Variants in SLC2A9 observed in about 807,000 individuals in gnomAD.
The protein encoded by SLC2A9 is solute carrier family 2, facilitated glucose transporter member 9.
In SLC2A9, 39 loss-of-function variants were observed where a neutral mutation model predicts 50.6. The ratio of observed to expected loss-of-function variants is 0.77; its 90% CI spans 0.60 to 1.01. The LOEUF (loss-of-function observed/expected upper bound fraction) is 1.01. SLC2A9 is among the 50% of genes least tolerant of loss of function. SLC2A9 has a pLI of 0.00. For synonymous variants in SLC2A9, 324 were observed against 276.9 expected, an observed-to-expected ratio of 1.17 and a Z score of -1.69; for missense variants, 686 against 677.6, an observed-to-expected ratio of 1.01 and a Z score of -0.14.
At chr4:9,953,530 T>C (rs1750679758) in intron 5 of SLC2A9, among the ~76,000 whole-genome samples, 1 of 152,206 alleles carries the variant, frequency 6.6e-6, no homozygotes. Flanking sequence ...ATCAATAAAA[T>C]AGAGATAATA....
intron 7 of SLC2A9, among the ~76,000 whole-genome samples, chr4:9,909,806 C>A (rs769086708): frequency 6.6e-6 from 1 of 152,208 alleles, no homozygotes; most frequent in Non-Finnish European, 1.5e-5. Context: ...GGGGACACCC[C>A]CTGCATTAAA....
At chr4:9,827,868 A>G (rs940267084) in intron 11 of SLC2A9, among the ~76,000 whole-genome samples, 8 of 152,228 alleles carry the variant, frequency 5.3e-5, no homozygotes, top group African/African-American at 1.7e-4. Context: ...CATTACTCAC[A>G]TGTTGTTCTA....
At position 9,898,084 on chromosome 4, in the gene SLC2A9, T is replaced by C. The variant is rs531161564; in HGVS notation, c.1114-7373A>G. On this transcript the variant is annotated intron_variant, in intron 8 of 11. Transcript: ENST00000264784. ...CAGGAGAAGTGAGCACTGCTGATGC[T>C]TTGCTCTCAGGCTTCTGGCCTTGAG... Among the ~76,000 whole-genome samples the C allele has an allele frequency of 2.1e-4, 32 of 152,292 alleles. No individual in the cohort carries two copies. In the South Asian group the frequency reaches 6.0e-3, roughly 29 times the overall value.
At chr4:9,857,525 T>C (rs1024664598) in intron 10 of SLC2A9, among the ~76,000 whole-genome samples, 59 of 152,326 alleles carry the variant, frequency 3.9e-4, no homozygotes, top group East Asian at 5.8e-4. Context: ...CCGGCTGGCA[T>C]CCCTGGCAGA....
intron 1 of SLC2A9, among the ~76,000 whole-genome samples, chr4:10,031,422 G>A (rs574091934): frequency 2.2e-4 from 33 of 152,294 alleles, no homozygotes; most frequent in Middle Eastern, 3.4e-3. Context: ...GGATCCAATC[G>A]AATTAGCTTG....
chr4:9,946,838 G>A (rs547097104), intron 5 of SLC2A9, among the ~76,000 whole-genome samples: 59 of 152,098 alleles, frequency 3.9e-4, no homozygotes, highest in South Asian at 8.3e-4. Flanking sequence ...CATTCTAGGG[G>A]CTCATGTCTT....
intron 8 of SLC2A9, among the ~76,000 whole-genome samples, chr4:9,900,050 T>C (rs1739306353): frequency 1.3e-5 from 2 of 152,100 alleles, no homozygotes. Context: ...CTTGGAAATT[T>C]GGGCAAGTAG....
chr4:9,784,420 T>C lies in SLC2A9; in HGVS notation n.386-4355A>G, dbSNP rs555975337. Among the ~76,000 whole-genome samples, 9 of 152,350 alleles carry C rather than the reference T, an allele frequency of 5.9e-5. No individual in the cohort carries two copies. In the South Asian group the frequency reaches 1.9e-3, roughly 32 times the overall value. On this transcript the variant is annotated intron_variant and non_coding_transcript_variant, in intron 3 of 3. Transcript: ENST00000503803. ...TTCTCCATCTGACAACTGTAGCATG[T>C]TTTAGAATGACATGGCTTTTGAGAA...
Position 9,783,437 on chromosome 4 carries a change from C to A in SLC2A9, n.386-3372G>T, listed in dbSNP as rs779829910. 4 of 1,611,186 alleles carry A rather than the reference C, an allele frequency of 2.5e-6. No homozygotes were observed. The African/African-American group carries it at 4.0e-5, about 16-fold the overall frequency. The stretch of plus-strand genomic sequence containing the variant: ...GGAGATTTCTTTAGACAAAATAACA[C>A]CTTTCACCCCGAATGGATTCCATTA... On this transcript the variant is annotated intron_variant and non_coding_transcript_variant, in intron 3 of 3. Transcript: ENST00000503803.
chr4:10,026,764 C>T (rs1286425763), intron 1 of SLC2A9, among the ~76,000 whole-genome samples: 3 of 152,116 alleles, frequency 2.0e-5, no homozygotes, highest in African/African-American at 7.2e-5. Flanking sequence ...CAGACACAGG[C>T]CGGGCATGGT....
At chr4:9,908,871 T>A (rs919057456) in intron 7 of SLC2A9, among the ~76,000 whole-genome samples, 2 of 152,144 alleles carry the variant, frequency 1.3e-5, no homozygotes, top group Non-Finnish European at 2.9e-5. Flanking sequence ...AAAAGGAACT[T>A]TTCATCAAGG....
At chr4:9,959,501 T>C (rs1273197192) in intron 5 of SLC2A9, among the ~76,000 whole-genome samples, 3 of 151,882 alleles carry the variant, frequency 2.0e-5, no homozygotes, top group Non-Finnish European at 4.4e-5. Context: ...AGTTCTATCA[T>C]CAATTATTTT....
At chr4:9,817,998 T>C (rs1252679778) in intron 3 of SLC2A9, among the ~76,000 whole-genome samples, 2 of 152,212 alleles carry the variant, frequency 1.3e-5, no homozygotes, top group Non-Finnish European at 2.9e-5. Flanking sequence ...AGTGACTGCC[T>C]TCCAGTGCTA....
Position 9,991,055 on chromosome 4 carries a change from C to T in SLC2A9, c.411-5262G>A, listed in dbSNP as rs74673187. Among the ~76,000 whole-genome samples, 553 of 152,298 alleles carry T rather than the reference C, an allele frequency of 3.6e-3. 5 individuals are homozygous for T. Among genetic ancestry groups the T allele is most frequent in the African/African-American group, 0.012 (498 of 41,570 alleles). On this transcript the variant is annotated intron_variant, in intron 3 of 11. Coordinates refer to ENST00000264784, the MANE Select transcript of SLC2A9 (RefSeq NM_020041.3). ...TCCCAGTGCTGCCTGCAGCGAGTGA[C>T]AGATGAGTGGTAGGGGTGGATGCAG...
At chr4:9,967,700 A>G (rs1753248825) in intron 5 of SLC2A9, among the ~76,000 whole-genome samples, 1 of 151,996 alleles carries the variant, frequency 6.6e-6, no homozygotes. Context: ...TTATGGGAAT[A>G]AAGATATATT....
chr4:9,793,405 C>T (rs1213918657), intron 3 of SLC2A9, among the ~76,000 whole-genome samples: 9 of 152,190 alleles, frequency 5.9e-5, no homozygotes, highest in Non-Finnish European at 1.3e-4. Context: ...GAGAACACTC[C>T]TGGTCCTTGG....
At chr4:10,006,804 G>A (rs913127509) in intron 2 of SLC2A9, 9 of 152,096 alleles carry the variant, frequency 5.9e-5, no homozygotes, top group African/African-American at 2.2e-4. Context: ...TGTGGTTTAT[G>A]CTGTCTCAGT....
intron 10 of SLC2A9, among the ~76,000 whole-genome samples, chr4:9,859,276 G>T (rs889616051): frequency 2.6e-5 from 4 of 152,062 alleles, no homozygotes; most frequent in Non-Finnish European, 5.9e-5. Context: ...TTGAAGCCAG[G>T]TCTATTGGGC....
chr4:9,871,232 C>T (rs1484641870), intron 10 of SLC2A9, among the ~76,000 whole-genome samples: 3 of 152,126 alleles, frequency 2.0e-5, no homozygotes, highest in African/African-American at 7.2e-5. Flanking sequence ...AGCCCTGGTA[C>T]CCTGCATCTA....
Sources: allele counts gnomAD v4.1 joint callset (sites outside exome capture counted in the v4.1 genomes callset), GRCh38; gene constraint gnomAD v4.1.1; transcripts MANE v1.5; gene names NCBI Gene and HGNC (gene_info 2026-07-23, HGNC 2026-07-21).